The following ADCY2 variants were observed in gnomAD, a reference collection of about 807,000 sequenced individuals.
ADCY2 encodes the protein adenylate cyclase type 2.
A neutral mutation model predicts 125.2 loss-of-function variants in ADCY2; 31 were observed. That is an observed-to-expected ratio of 0.25 (90% CI 0.19 to 0.33). ADCY2 has a LOEUF of 0.33. Ranked by LOEUF, ADCY2 falls within the 10% of genes least tolerant of loss-of-function variation. ADCY2 has a pLI of 1.00. For missense variants in ADCY2, 904 were observed against 1,418.2 expected, an observed-to-expected ratio of 0.64 and a Z score of 5.82; for synonymous variants, 512 against 548.4, an observed-to-expected ratio of 0.93 and a Z score of 0.93.
intron 3 of ADCY2, among the ~76,000 whole-genome samples, chr5:7,548,855 A>G (rs1202100120): frequency 6.6e-6 from 1 of 152,216 alleles, no homozygotes; most frequent in Admixed American, 6.5e-5. Context: ...AAAAATAAAC[A>G]TGCAACCATA....
At chr5:7,791,869 C>A (rs1744257079) in intron 20 of ADCY2, among the ~76,000 whole-genome samples, 1 of 151,996 alleles carries the variant, frequency 6.6e-6, no homozygotes, top group Non-Finnish European at 1.5e-5. Context: ...ATATGGTACT[C>A]CAGAAAGGCT....
rs1198524822 is a variant in ADCY2 at position 7,826,805 on chromosome 5, C to T, written c.3210C>T (p.Asp1070=). ...RGIINVKGKG[D]LKTYFVNTEM... ...TAATCAACGTGAAAGGAAAGGGGGA[C>T]CTGAAGACGTACTTTGTAAACACAG... The change falls in exon 25 of 25, where the codon GAC becomes GAT. Residue 1070 remains aspartate, a synonymous_variant. Transcript: ENST00000338316. 1 of 1,614,092 alleles carries T rather than the reference C, an allele frequency of 6.2e-7. No homozygotes were observed. The highest frequency in any genetic ancestry group is 1.7e-5 in the Admixed American group (1 of 60,016).
At chr5:7,765,336 C>G (rs927267955) in intron 16 of ADCY2, among the ~76,000 whole-genome samples, 2 of 151,922 alleles carry the variant, frequency 1.3e-5, no homozygotes, top group Admixed American at 6.6e-5. Flanking sequence ...AAATCTGTAC[C>G]CTTTTGGAGC....
chr5:7,444,328 G>T (rs1280369330), intron 2 of ADCY2, among the ~76,000 whole-genome samples: 1 of 151,862 alleles, frequency 6.6e-6, no homozygotes, highest in Non-Finnish European at 1.5e-5. Context: ...TGTTAGCCAG[G>T]ATGGTCTCAA....
chr5:7,708,614 T>C (rs1050460097), intron 9 of ADCY2, among the ~76,000 whole-genome samples: 1 of 152,158 alleles, frequency 6.6e-6, no homozygotes, highest in Non-Finnish European at 1.5e-5. Context: ...CTCTGAACCA[T>C]GAAAACCAAT....
At chr5:7,647,602 T>G (rs1738943824) in intron 4 of ADCY2, among the ~76,000 whole-genome samples, 1 of 152,194 alleles carries the variant, frequency 6.6e-6, no homozygotes, top group African/African-American at 2.4e-5. Context: ...AGGAAGCTTT[T>G]GGAAATGTTC....
chr5:7,711,824 G>C lies in ADCY2; in HGVS notation c.1579-1032G>C, dbSNP rs182971323. ...TCAAAGCCAGGCTTGGATTGCCTTAGTAGCAGTATAGCATACTTTAAGAAA... is the reference window on the plus strand; with the variant it reads ...TCAAAGCCAGGCTTGGATTGCCTTACTAGCAGTATAGCATACTTTAAGAAA... On this transcript the variant is annotated intron_variant, in intron 10 of 24. Transcript: ENST00000338316. 2.6e-5 allele frequency among the ~76,000 whole-genome samples: 4 copies of C among 152,320 alleles called. 1 individual carries two copies. Among genetic ancestry groups the C allele is most frequent in the Admixed American group, 2.0e-4 (3 of 15,298 alleles).
chr5:7,752,894 CTT>C lies in ADCY2; in HGVS notation c.1957-4536_1957-4535del, dbSNP rs11319936. Among the ~76,000 whole-genome samples the C allele has an allele frequency of 3.2e-3, 302 of 94,346 alleles. 4 individuals are homozygous for C. The highest frequency in any genetic ancestry group is 5.2e-3 in the East Asian group (17 of 3,294). 61.9% of individuals were successfully genotyped at this position (94,346 alleles called of 152,430 possible). A position where few individuals can be genotyped will look rare whatever the true frequency, so the allele number is the denominator to read the frequency against. On this transcript the variant is annotated intron_variant, in intron 15 of 24. Transcript: ENST00000338316. The stretch of plus-strand genomic sequence containing the variant: ...TCATCAATTCTATGATAGGATTTTC[CTT>C]TTTTTTTTTTTTTTTTTTCTGAGAC...
In ADCY2 at chr5:7,827,458, T is replaced by C. The variant is rs1451220391; in HGVS notation, c.*587T>C. The C allele has an allele frequency of 6.5e-6, 1 of 152,736 alleles. No individual in the cohort carries two copies. The highest frequency in any genetic ancestry group is 1.5e-5 in the Non-Finnish European group (1 of 68,086). The allele number at this position is 152,736 out of a possible 1,614,324, so 9.5% of individuals were successfully genotyped here. On this transcript the variant is annotated 3_prime_UTR_variant, in exon 25 of 25. Coordinates refer to ENST00000338316, the MANE Select transcript of ADCY2 (RefSeq NM_020546.3). ...TCCTCACAGCCTAGGACCAGTTTTG[T>C]ATCAAACTCGTCTGATGTTTTGATG... is the stretch of plus-strand genomic sequence containing the variant.
chr5:7,514,402 A>G (rs1172946919), intron 2 of ADCY2, among the ~76,000 whole-genome samples: 1 of 152,330 alleles, frequency 6.6e-6, no homozygotes, highest in East Asian at 1.9e-4. Flanking sequence ...GTTTGGATTT[A>G]TAAATTGTAA....
At chr5:7,429,609 A>C (rs762401340) in intron 2 of ADCY2, among the ~76,000 whole-genome samples, 1 of 152,254 alleles carries the variant, frequency 6.6e-6, no homozygotes, top group East Asian at 1.9e-4. Context: ...AACATTAAAA[A>C]GTCTGAAAAA....
At chr5:7,589,341 G>A (rs988981275) in intron 3 of ADCY2, among the ~76,000 whole-genome samples, 14 of 117,102 alleles carry the variant, frequency 1.2e-4, no homozygotes, top group Admixed American at 7.0e-4. Flanking sequence ...CATAGACAAA[G>A]TAAAAAAGAC....
At chr5:7,596,594 C>T (rs983822660) in intron 3 of ADCY2, among the ~76,000 whole-genome samples, 2 of 152,140 alleles carry the variant, frequency 1.3e-5, no homozygotes, top group African/African-American at 2.4e-5. Context: ...CCTGGAGATC[C>T]CCGGGGAGGT....
chr5:7,788,591 G>A (rs147249183), intron 19 of ADCY2, among the ~76,000 whole-genome samples: 31 of 152,324 alleles, frequency 2.0e-4, no homozygotes, highest in Admixed American at 3.9e-4. Flanking sequence ...ATGTATGACA[G>A]ATAATTTGAA....
intron 2 of ADCY2, among the ~76,000 whole-genome samples, chr5:7,503,493 A>C (rs1743674474): frequency 6.6e-6 from 1 of 152,190 alleles, no homozygotes; most frequent in South Asian, 2.1e-4. Context: ...ATGTCAGTTT[A>C]ATAACTGCAT....
At chr5:7,761,148 C>CTTTTCTTTTCTTTT (rs747191915) in intron 16 of ADCY2, among the ~76,000 whole-genome samples, 30 of 88,180 alleles carry the variant, frequency 3.4e-4, no homozygotes, top group Admixed American at 5.4e-4. Context: ...CTTTTCTTTT[C>CTTTTCTTTTCTTTT]TTTTTTTTTT....
chr5:7,576,440 G>A (rs1357970111), intron 3 of ADCY2, among the ~76,000 whole-genome samples: 5 of 152,202 alleles, frequency 3.3e-5, no homozygotes, highest in African/African-American at 1.2e-4. Context: ...GAATGGACAG[G>A]ACAGTGACAT....
At chr5:7,477,264 T>G (rs1742561248) in intron 2 of ADCY2, among the ~76,000 whole-genome samples, 1 of 152,202 alleles carries the variant, frequency 6.6e-6, no homozygotes, top group South Asian at 2.1e-4. Flanking sequence ...ATATTGAATT[T>G]TTAAATGAAA....
At chr5:7,438,237 T>C (rs368716218) in intron 2 of ADCY2, among the ~76,000 whole-genome samples, 1 of 152,164 alleles carries the variant, frequency 6.6e-6, no homozygotes, top group Non-Finnish European at 1.5e-5. Flanking sequence ...GTTAGGGCAT[T>C]GTGCTTACCC....
Sources: allele counts gnomAD v4.1 joint callset (sites outside exome capture counted in the v4.1 genomes callset), GRCh38; gene constraint gnomAD v4.1.1; transcripts MANE v1.5; gene names NCBI Gene and HGNC (gene_info 2026-07-23, HGNC 2026-07-21).